RIN2: variants seen among roughly 807,000 people sequenced by gnomAD.
The protein encoded by RIN2 is RAB5 interacting protein 2.
Under a neutral mutation model 78.0 loss-of-function variants are expected in RIN2, and 36 were observed. The observed-to-expected ratio is 0.46, with a 90% CI of 0.35 to 0.61. RIN2 has a LOEUF of 0.61. RIN2 is among the 20% of genes least tolerant of loss of function. RIN2 has a pLI of 0.00. For missense variants in RIN2, 1,087 were observed against 1,159.7 expected (o/e 0.94, Z 0.91); for synonymous variants, 466 against 466.8 (o/e 1.00, Z 0.02).
intron 3 of RIN2, among the ~76,000 whole-genome samples, chr20:19,893,377 C>T (rs1310900717): frequency 6.6e-6 from 1 of 152,192 alleles, no homozygotes; most frequent in Non-Finnish European, 1.5e-5. Flanking sequence ...TATTATCCCT[C>T]TCTTGGCTAT....
chr20:19,948,398 A>T (rs746176251), intron 4 of RIN2, among the ~76,000 whole-genome samples: 4 of 152,154 alleles, frequency 2.6e-5, no homozygotes, highest in African/African-American at 4.8e-5. Flanking sequence ...ATATATACAT[A>T]TACATATTTT....
intron 1 of RIN2, among the ~76,000 whole-genome samples, chr20:19,762,172 A>G (rs1311155026): frequency 2.0e-5 from 3 of 152,182 alleles, no homozygotes; most frequent in Non-Finnish European, 2.9e-5. Context: ...TCCTCATAGG[A>G]GCTGCAGCCC....
Position 19,975,316 on chromosome 20 carries a change from G to T in RIN2, c.1291G>T (p.Asp431Tyr). 6.2e-7 allele frequency: 1 copy of T among 1,609,024 alleles called. No individual in the cohort carries two copies. The highest frequency in any genetic ancestry group is 8.5e-7 in the Non-Finnish European group (1 of 1,177,800). ...CCATGGAGGCCGGCAGCGGCTGAGC[G>T]ACATGAGCATTTCTACTTCCTCCTC... is the stretch of plus-strand genomic sequence containing the variant. The part of the protein sequence containing the change: ...PCHGGRQRLS[D>Y]MSISTSSSDS... Residue 431 changes from aspartate (D) to tyrosine (Y), a missense_variant, in exon 9 of 13, where the codon GAC becomes TAC. This residue lies in a region of RIN2 where 706 missense variants were observed against 667.5 expected (regional missense o/e 1.06). Coordinates refer to ENST00000255006, the MANE Select transcript of RIN2 (RefSeq NM_018993.4). The surrounding 1 kb of genome is among the most constrained non-coding windows in gnomAD (Gnocchi z 4.9).
chr20:19,990,646 C>T (rs1422747907), intron 10 of RIN2, among the ~76,000 whole-genome samples: 1 of 152,092 alleles, frequency 6.6e-6, no homozygotes, highest in African/African-American at 2.4e-5. Context: ...CTTTGGCCCC[C>T]TTAATCAACC....
chr20:19,866,352 G>C (rs950782141), intron 2 of RIN2, among the ~76,000 whole-genome samples: 4 of 152,160 alleles, frequency 2.6e-5, no homozygotes, highest in African/African-American at 4.8e-5. Flanking sequence ...TGCAGTCTTG[G>C]GGGGTGGGGG....
At chr20:19,841,764 A>T (rs2036583769) in intron 2 of RIN2, among the ~76,000 whole-genome samples, 2 of 152,242 alleles carry the variant, frequency 1.3e-5, no homozygotes, top group Non-Finnish European at 2.9e-5. Context: ...TATGAAGGCT[A>T]AGTCACATGA....
At chr20:19,835,149 A>AGGAC (rs1401211116) in intron 2 of RIN2, among the ~76,000 whole-genome samples, 1 of 149,602 alleles carries the variant, frequency 6.7e-6, no homozygotes, top group East Asian at 2.0e-4. Flanking sequence ...GGAGGGAGGA[A>AGGAC]GGAAGGAAGG....
intron 12 of RIN2, among the ~76,000 whole-genome samples, chr20:19,998,528 T>C (rs560427365): frequency 2.0e-5 from 3 of 152,242 alleles, no homozygotes; most frequent in African/African-American, 7.2e-5. Flanking sequence ...GGAGGATCCG[T>C]TGAGCCCAGG....
At position 19,950,406 on chromosome 20, in the gene RIN2, A is replaced by G. The variant is rs748838800; in HGVS notation, c.159-6209A>G. Among the ~76,000 whole-genome samples, 3 of 152,210 alleles carry G rather than the reference A, an allele frequency of 2.0e-5. No individual in the cohort carries two copies. In the South Asian group the frequency reaches 6.2e-4, roughly 32 times the overall value. On this transcript the variant is annotated intron_variant, in intron 4 of 12. Transcript: ENST00000255006. ...TTATAAAAACTCAGTGAGATGGTAG[A>G]TATTATTACTTCTCCTCCAACCTAT...
At chr20:19,877,143 G>A (rs913886793) in intron 2 of RIN2, among the ~76,000 whole-genome samples, 1 of 152,158 alleles carries the variant, frequency 6.6e-6, no homozygotes, top group Admixed American at 6.5e-5. Context: ...CTTCCCCCTT[G>A]CTGGAGATGC....
chr20:19,797,476 T>C (rs1446836367), intron 1 of RIN2, among the ~76,000 whole-genome samples: 2 of 152,252 alleles, frequency 1.3e-5, no homozygotes, highest in Non-Finnish European at 2.9e-5. Context: ...CACATACTTA[T>C]TTAATACCAT....
chr20:19,976,369 TG>T (rs1462315720), intron 9 of RIN2, among the ~76,000 whole-genome samples: 3 of 152,210 alleles, frequency 2.0e-5, no homozygotes, highest in African/African-American at 7.2e-5. Context: ...ACCATCCTGC[TG>T]GCTCCTCATC....
chr20:19,834,830 G>A (rs908235564), intron 2 of RIN2, among the ~76,000 whole-genome samples: 7 of 151,974 alleles, frequency 4.6e-5, no homozygotes, highest in Non-Finnish European at 8.8e-5. Flanking sequence ...GCTCACACCT[G>A]CAATCCCAGC....
Position 19,974,654 on chromosome 20 carries a change from A to G in RIN2, c.629A>G (p.Asn210Ser). Reference protein sequence around the residue: ...QLEELAQMGLNFWSSPADSKP... With the variant: ...QLEELAQMGLSFWSSPADSKP... Reference sequence around the variant, plus strand: ...TGTGTTCACTGATAATGACTTTCAGATTTCTGGAGCTCCCCAGCTGACAGC... The same window carrying G: ...TGTGTTCACTGATAATGACTTTCAGGTTTCTGGAGCTCCCCAGCTGACAGC... Residue 210 changes from asparagine to serine, a missense_variant and splice_region_variant, in exon 9 of 13, where the codon AAT becomes AGT. By Grantham distance (46) the Asn-to-Ser change is conservative. Coordinates refer to ENST00000255006, the MANE Select transcript of RIN2 (RefSeq NM_018993.4). 6.2e-7 allele frequency: 1 copy of G among 1,609,678 alleles called. No individual in the cohort carries two copies. Among genetic ancestry groups the G allele is most frequent in the Non-Finnish European group, 8.5e-7 (1 of 1,177,098 alleles).
intron 1 of RIN2, among the ~76,000 whole-genome samples, chr20:19,769,309 T>C (rs190613649): frequency 7.3e-4 from 111 of 152,302 alleles, no homozygotes; most frequent in Admixed American, 1.4e-3. Context: ...ATAGAGGACA[T>C]TGAAAGCTGT....
At chr20:19,774,468 A>AGAGAGGAATTCC (rs1226308264) in intron 1 of RIN2, among the ~76,000 whole-genome samples, 1 of 152,264 alleles carries the variant, frequency 6.6e-6, no homozygotes, top group African/African-American at 2.4e-5. Flanking sequence ...CAGAGATTGC[A>AGAGAGGAATTCC]GAGAGGAATT....
At chr20:19,854,246 T>A (rs1280854524) in intron 2 of RIN2, among the ~76,000 whole-genome samples, 3 of 152,240 alleles carry the variant, frequency 2.0e-5, no homozygotes, top group African/African-American at 7.2e-5. Flanking sequence ...TATATCTCTG[T>A]TTTGGTACCA....
At chr20:19,959,384 C>T (rs1018126759) in intron 5 of RIN2, among the ~76,000 whole-genome samples, 2 of 152,282 alleles carry the variant, frequency 1.3e-5, no homozygotes, top group East Asian at 1.9e-4. Context: ...GTGCTTTGGC[C>T]TCTTACCCCC....
chr20:19,955,276 C>A (rs199555), intron 4 of RIN2, among the ~76,000 whole-genome samples: 1 of 151,974 alleles, frequency 6.6e-6, no homozygotes, highest in Non-Finnish European at 1.5e-5. Context: ...TTGCAGCATG[C>A]GTCAGTGCCC....
Sources: gnomAD v4.1 joint callset for allele counts (sites outside exome capture counted in the v4.1 genomes callset) on GRCh38, gnomAD v4.1.1 for gene constraint, gnomAD v4.1.1 regional missense constraint, Gnocchi (gnomAD v3.1) non-coding constraint, MANE v1.5 for transcripts, NCBI Gene and HGNC (gene_info 2026-07-23, HGNC 2026-07-21) for gene names.